Variants in SLC7A1 observed in about 807,000 individuals in gnomAD.
The protein encoded by SLC7A1 is solute carrier family 7 member 1, also known as high affinity cationic amino acid transporter 1.
In SLC7A1, 10 loss-of-function variants were observed where a neutral mutation model predicts 53.9. That is an observed-to-expected ratio of 0.19 (90% CI 0.11 to 0.31). The LOEUF (loss-of-function observed/expected upper bound fraction) is 0.31. Among genes scored for constraint, SLC7A1 ranks in the 10% least tolerant of loss-of-function variants. The pLI, the probability that SLC7A1 is intolerant of heterozygous loss-of-function variation, is 1.00. For missense variants in SLC7A1, 525 were observed against 827.2 expected (o/e 0.63, Z 4.48); for synonymous variants, 342 against 338.7 (o/e 1.01, Z -0.11).
chr13:29,555,077 G>T (rs1394758897), intron 1 of SLC7A1, among the ~76,000 whole-genome samples: 1 of 152,078 alleles, frequency 6.6e-6, no homozygotes, highest in Non-Finnish European at 1.5e-5. Flanking sequence ...TTACATTGTG[G>T]GCCGGGCGCG....
At chr13:29,523,151 G>C (rs780003716) in intron 7 of SLC7A1, 115 bp downstream of exon 7, 9 of 854,052 alleles carry the variant, frequency 1.1e-5, no homozygotes, top group Non-Finnish European at 1.7e-5. Context: ...TATTTCAAGG[G>C]TAAAGAATGC....
intron 2 of SLC7A1, among the ~76,000 whole-genome samples, chr13:29,552,338 C>T (rs1937586278): frequency 1.3e-5 from 2 of 152,018 alleles, no homozygotes; most frequent in South Asian, 4.2e-4. Flanking sequence ...GATGAAGACT[C>T]CATACTCAGT....
At chr13:29,522,665 A>G (rs1040699375) in intron 7 of SLC7A1, among the ~76,000 whole-genome samples, 12 of 152,250 alleles carry the variant, frequency 7.9e-5, no homozygotes, top group African/African-American at 2.4e-4. Flanking sequence ...AATAAGGATT[A>G]AGGTAAAGAA....
chr13:29,584,109 C>A (rs114960858), intron 1 of SLC7A1, among the ~76,000 whole-genome samples: 15,291 of 109,340 alleles, frequency 0.14, 991 homozygotes, highest in Non-Finnish European at 0.24. Context: ...ATATTTGTAA[C>A]TTTTTTTTTC....
At chr13:29,522,488 A>C in intron 7 of SLC7A1, 32 bp from the exon 8 acceptor site, 3 of 1,613,546 alleles carry the variant, frequency 1.9e-6, no homozygotes, top group Non-Finnish European at 2.5e-6. Flanking sequence ...GCGTGAGTGA[A>C]CCTGGCTCAT....
chr13:29,594,502 C>CA (rs1374414387), intron 1 of SLC7A1, among the ~76,000 whole-genome samples: 1 of 152,242 alleles, frequency 6.6e-6, no homozygotes, highest in Non-Finnish European at 1.5e-5. Flanking sequence ...GCTGAACCAG[C>CA]AGGCTGTTGT....
intron 2 of SLC7A1, among the ~76,000 whole-genome samples, chr13:29,548,834 C>G (rs1870044606): frequency 6.6e-6 from 1 of 152,202 alleles, no homozygotes; most frequent in Non-Finnish European, 1.5e-5. Flanking sequence ...AAACACACAC[C>G]CGTAGTTACC....
chr13:29,517,754 C>A lies in SLC7A1; in HGVS notation c.1329G>T (p.Met443Ile). 6.2e-7 allele frequency: 1 copy of A among 1,614,184 alleles called. No individual in the cohort carries two copies. Among genetic ancestry groups the A allele is most frequent in the Non-Finnish European group, 8.5e-7 (1 of 1,180,044 alleles). Residue 443 changes from methionine (M) to isoleucine (I), a missense_variant, in exon 10 of 13, where the codon ATG becomes ATT. Met to Ile is a conservative substitution (Grantham distance 10). Around this residue, in one of 4 missense-constraint regions of SLC7A1, gnomAD observed 122 missense variants for 140.9 expected, o/e 0.87. Coordinates refer to ENST00000380752, the MANE Select transcript of SLC7A1 (RefSeq NM_003045.5). ...GATCTAACTCGTCGGAAGTACTGGCCATCTGGTATACCAGGTTAGGCTGCT... is the reference window on the plus strand; with the variant it reads ...GATCTAACTCGTCGGAAGTACTGGCAATCTGGTATACCAGGTTAGGCTGCT... Reference protein sequence around the residue: ...QPEQPNLVYQMASTSDELDPA... With the variant: ...QPEQPNLVYQIASTSDELDPA...
intron 3 of SLC7A1, 133 bp from the exon 4 acceptor site, chr13:29,533,115 AC>A: frequency 1.2e-6 from 1 of 852,288 alleles, no homozygotes; most frequent in Non-Finnish European, 1.8e-6. Flanking sequence ...CAGCAGCCAG[AC>A]CACAGTGTAT....
intron 3 of SLC7A1, 127 bp from the exon 4 acceptor site, chr13:29,533,109 A>T: frequency 1.1e-6 from 1 of 913,170 alleles, no homozygotes; most frequent in Non-Finnish European, 1.6e-6. Flanking sequence ...TGGCAGCAGC[A>T]GCCAGACCAC....
chr13:29,554,400 C>T (rs1010971469), intron 1 of SLC7A1, among the ~76,000 whole-genome samples: 1 of 152,178 alleles, frequency 6.6e-6, no homozygotes, highest in Non-Finnish European at 1.5e-5. Context: ...AAAGCATACA[C>T]GTGCCCGTAA....
At chr13:29,579,019 C>G (rs9285066) in intron 1 of SLC7A1, among the ~76,000 whole-genome samples, 9,982 of 152,290 alleles carry the variant, frequency 0.066, 407 homozygotes, top group Middle Eastern at 0.16. Flanking sequence ...GAAGGGTTTT[C>G]TACAAGAAAC....
rs1027551730 is a variant in SLC7A1, at chr13:29,511,757, G to T, written c.*2723C>A. 1.3e-5 allele frequency: 2 copies of T among 152,234 alleles called. No homozygotes were observed. The highest frequency in any genetic ancestry group is 2.9e-5 in the Non-Finnish European group (2 of 68,046). 9.4% of individuals were successfully genotyped at this position (152,234 alleles called of 1,614,324 possible). A position where few individuals can be genotyped will look rare whatever the true frequency, so the allele number is the denominator to read the frequency against. On this transcript the variant is annotated 3_prime_UTR_variant, in exon 13 of 13. Transcript: ENST00000380752. ...GAACACATGCAGGGCAGTCACAGGG[G>T]TTGTGGGAGACAGGAAGGGATGTTT...
In SLC7A1 at chr13:29,577,913, C is replaced by T. The variant is rs553947905; in HGVS notation, c.-115+17503G>A. Among the ~76,000 whole-genome samples the T allele has an allele frequency of 5.9e-5, 9 of 152,246 alleles. No individual in the cohort carries two copies. In the South Asian group the frequency reaches 1.9e-3, roughly 32 times the overall value. ...AACCACGTTCTTCTGGAGCTCGAGA[C>T]CCTCTCCTCCTCCACTCCCTCTGCT... is the stretch of plus-strand genomic sequence containing the variant. On this transcript the variant is annotated intron_variant, in intron 1 of 12. Transcript: ENST00000380752.
intron 1 of SLC7A1, among the ~76,000 whole-genome samples, chr13:29,583,600 A>G (rs897390741): frequency 1.3e-5 from 2 of 152,194 alleles, no homozygotes; most frequent in African/African-American, 4.8e-5. Flanking sequence ...AGTGACTTGG[A>G]TTTGTGCAGA....
intron 1 of SLC7A1, among the ~76,000 whole-genome samples, chr13:29,565,119 C>CTTA (rs1360836571): frequency 6.6e-6 from 1 of 152,200 alleles, no homozygotes; most frequent in Non-Finnish European, 1.5e-5. Flanking sequence ...AAAGAATTAT[C>CTTA]TAATTAATGA....
At chr13:29,576,292 T>TAAAAAAAAAAAA (rs146432104) in intron 1 of SLC7A1, among the ~76,000 whole-genome samples, 38 of 107,132 alleles carry the variant, frequency 3.5e-4, no homozygotes, top group African/African-American at 1.5e-3. Flanking sequence ...ATCCTGTTTT[T>TAAAAAAAAAAAA]TAAAAAAAAA....
intron 5 of SLC7A1, among the ~76,000 whole-genome samples, chr13:29,526,885 T>C (rs1868917324): frequency 1.3e-5 from 2 of 152,196 alleles, no homozygotes; most frequent in African/African-American, 4.8e-5. Flanking sequence ...GCACGTGCTG[T>C]GCTGCGCCAA....
intron 5 of SLC7A1, among the ~76,000 whole-genome samples, chr13:29,524,944 C>G (rs577402589): frequency 1.3e-5 from 2 of 152,176 alleles, no homozygotes; most frequent in Non-Finnish European, 2.9e-5. Flanking sequence ...AAAACAGTCC[C>G]ATAAATCTGA....
Sources: gnomAD v4.1 joint callset for allele counts (sites outside exome capture counted in the v4.1 genomes callset) on GRCh38, gnomAD v4.1.1 for gene constraint, gnomAD v4.1.1 regional missense constraint, MANE v1.5 for transcripts, NCBI Gene and HGNC (gene_info 2026-07-23, HGNC 2026-07-21) for gene names.